The following CPNE4 variants were observed in gnomAD, a reference collection of about 807,000 sequenced individuals.
CPNE4 encodes copine-4.
In CPNE4, 25 loss-of-function variants were observed where a neutral mutation model predicts 67.9. That is an observed-to-expected ratio of 0.37 (90% CI 0.27 to 0.51). CPNE4 has a LOEUF of 0.51. Among genes scored for constraint, CPNE4 ranks in the 20% least tolerant of loss-of-function variants. The pLI is 0.93. For missense variants in CPNE4, 464 were observed against 690.8 expected (o/e 0.67, Z 3.68); for synonymous variants, 242 against 244.9 (o/e 0.99, Z 0.11).
At chr3:131,560,750 T>A (rs1009936220) in intron 11 of CPNE4, among the ~76,000 whole-genome samples, 1 of 152,062 alleles carries the variant, frequency 6.6e-6, no homozygotes, top group African/African-American at 2.4e-5. Flanking sequence ...ATCTGAGCCA[T>A]CTCTCATGAT....
chr3:131,796,424 C>T (rs2083920264), intron 2 of CPNE4, among the ~76,000 whole-genome samples: 1 of 152,146 alleles, frequency 6.6e-6, no homozygotes, highest in South Asian at 2.1e-4. Context: ...TGATTCTGGG[C>T]CTGCTCCCTC....
chr3:132,031,356 A>G (rs2074230497), intron 1 of CPNE4, among the ~76,000 whole-genome samples: 1 of 152,220 alleles, frequency 6.6e-6, no homozygotes, highest in South Asian at 2.1e-4. Flanking sequence ...TAACAAGACA[A>G]AAATGGAAAG....
chr3:131,666,118 A>T (rs541476267), intron 7 of CPNE4, among the ~76,000 whole-genome samples: 1 of 152,342 alleles, frequency 6.6e-6, no homozygotes, highest in Non-Finnish European at 1.5e-5. Context: ...AGGTATTAAA[A>T]TATGCTACAA....
intron 1 of CPNE4, among the ~76,000 whole-genome samples, chr3:132,020,458 A>G (rs1002612451): frequency 9.9e-5 from 15 of 152,168 alleles, no homozygotes; most frequent in African/African-American, 2.4e-5. Context: ...AGCTGAGAGA[A>G]ACTCCGGCTG....
intron 1 of CPNE4, among the ~76,000 whole-genome samples, chr3:131,981,254 C>T (rs1202859279): frequency 1.3e-5 from 2 of 151,682 alleles, no homozygotes; most frequent in African/African-American, 4.8e-5. Context: ...CCTAGAACTC[C>T]CAAGATTATA....
At chr3:131,924,680 G>A (rs2070844422) in intron 1 of CPNE4, among the ~76,000 whole-genome samples, 2 of 152,098 alleles carry the variant, frequency 1.3e-5, no homozygotes, top group African/African-American at 2.4e-5. Flanking sequence ...GGTGTGTCTA[G>A]ACCAGTAATA....
At chr3:131,923,542 T>C (rs1343818071) in intron 1 of CPNE4, among the ~76,000 whole-genome samples, 1 of 151,226 alleles carries the variant, frequency 6.6e-6, no homozygotes, top group Non-Finnish European at 1.5e-5. Context: ...CTGTCTCTAC[T>C]AAAAATACAA....
At chr3:132,032,549 C>G (rs1284526889) in intron 1 of CPNE4, among the ~76,000 whole-genome samples, 3 of 152,208 alleles carry the variant, frequency 2.0e-5, no homozygotes, top group African/African-American at 7.2e-5. Context: ...AGAATCTTCC[C>G]ATGAGAGATA....
At chr3:131,789,206 C>T (rs778551203) in intron 2 of CPNE4, among the ~76,000 whole-genome samples, 3 of 152,226 alleles carry the variant, frequency 2.0e-5, no homozygotes, top group African/African-American at 4.8e-5. Flanking sequence ...GTTCTGGAGA[C>T]GTACACATTG....
At chr3:131,690,034 T>C (rs1346193026) in intron 5 of CPNE4, among the ~76,000 whole-genome samples, 11 of 152,088 alleles carry the variant, frequency 7.2e-5, no homozygotes, top group Admixed American at 1.3e-4. Flanking sequence ...GTGAAAGAAA[T>C]CATAGATGAC....
chr3:131,882,764 C>T (rs963000689), intron 2 of CPNE4, among the ~76,000 whole-genome samples: 2 of 142,992 alleles, frequency 1.4e-5, no homozygotes, highest in African/African-American at 5.0e-5. Flanking sequence ...CTCTGTTGCC[C>T]AGGCTGCAGT....
At chr3:131,672,615 T>G (rs2107659457) in intron 6 of CPNE4, among the ~76,000 whole-genome samples, 1 of 152,322 alleles carries the variant, frequency 6.6e-6, no homozygotes, top group Non-Finnish European at 1.5e-5. Context: ...ACATATCTAT[T>G]TGCCATCTGT....
chr3:131,930,815 G>T (rs1410833095), intron 1 of CPNE4, among the ~76,000 whole-genome samples: 4 of 152,040 alleles, frequency 2.6e-5, no homozygotes, highest in Non-Finnish European at 4.4e-5. Flanking sequence ...AGTAGCAAAG[G>T]ACTTATTGAA....
intron 5 of CPNE4, among the ~76,000 whole-genome samples, chr3:131,691,338 T>C (rs2081028699): frequency 6.6e-6 from 1 of 152,136 alleles, no homozygotes; most frequent in Admixed American, 6.6e-5. Flanking sequence ...ATAAAGAAAA[T>C]TTGGCACTTA....
At chr3:131,984,122 G>A (rs1428695045) in intron 1 of CPNE4, among the ~76,000 whole-genome samples, 3 of 152,154 alleles carry the variant, frequency 2.0e-5, no homozygotes, top group African/African-American at 7.2e-5. Flanking sequence ...CATTAGCTAG[G>A]CAGGTAATGT....
At chr3:131,968,028 G>A (rs1357756992) in intron 1 of CPNE4, among the ~76,000 whole-genome samples, 1 of 152,120 alleles carries the variant, frequency 6.6e-6, no homozygotes, top group African/African-American at 2.4e-5. Context: ...CAACGGAACA[G>A]AACAGCGGCC....
At chr3:131,580,392 AC>A (rs1937730223) in intron 9 of CPNE4, among the ~76,000 whole-genome samples, 9 of 7,444 alleles carry the variant, frequency 1.2e-3, no homozygotes, top group South Asian at 6.4e-3. Flanking sequence ...TGGCCTCTAT[AC>A]ATATACATAT....
intron 1 of CPNE4, among the ~76,000 whole-genome samples, chr3:131,925,152 T>G (rs913329779): frequency 4.8e-5 from 5 of 104,270 alleles, no homozygotes; most frequent in Non-Finnish European, 8.0e-5. Flanking sequence ...TCTCTTGTTC[T>G]CATATTCTCT....
intron 10 of CPNE4, among the ~76,000 whole-genome samples, chr3:131,565,835 A>G (rs1937028239): frequency 6.7e-6 from 1 of 148,532 alleles, no homozygotes; most frequent in Non-Finnish European, 1.5e-5. Flanking sequence ...AAAAAAAAAA[A>G]GGTTATCTGA....
Sources: gnomAD v4.1 joint callset for allele counts (sites outside exome capture counted in the v4.1 genomes callset) on GRCh38, gnomAD v4.1.1 for gene constraint, MANE v1.5 for transcripts, NCBI Gene and HGNC (gene_info 2026-07-23, HGNC 2026-07-21) for gene names.